Variants in DIAPH2 observed in about 807,000 individuals in gnomAD.
DIAPH2 encodes the protein diaphanous related formin 2.
In DIAPH2, 35 loss-of-function variants were observed where a neutral mutation model predicts 92.7. The ratio of observed to expected loss-of-function variants is 0.38; its 90% CI spans 0.29 to 0.50. The LOEUF (loss-of-function observed/expected upper bound fraction) is 0.50. Ranked by LOEUF, DIAPH2 falls within the 20% of genes least tolerant of loss-of-function variation. The pLI, the probability that DIAPH2 is intolerant of heterozygous loss-of-function variation, is 0.94. For synonymous variants in DIAPH2, 301 were observed against 280.4 expected (o/e 1.07, Z -0.73); for missense variants, 701 against 819.5 (o/e 0.86, Z 1.77).
intron 23 of DIAPH2, among the ~76,000 whole-genome samples, chrX:97,308,659 C>T (rs988106132): frequency 2.3e-5 from 2 of 86,520 alleles, no homozygotes; most frequent in Admixed American, 1.6e-4. Context: ...CTCGCACTGT[C>T]GTCCAGGCTG....
intron 26 of DIAPH2, among the ~76,000 whole-genome samples, chrX:97,585,180 T>G (rs1414214083): frequency 1.8e-5 from 2 of 110,900 alleles, no homozygotes; most frequent in Non-Finnish European, 3.8e-5. Flanking sequence ...CTTTTTACTG[T>G]ACCATAAAGT....
chrX:97,329,850 G>C (rs1466755277), intron 23 of DIAPH2, among the ~76,000 whole-genome samples: 1 of 104,996 alleles, frequency 9.5e-6, no homozygotes, highest in Non-Finnish European at 1.9e-5. Context: ...GTCTATCTGG[G>C]CACATCTATT....
chrX:97,001,766 CTAATG>C (rs920517729), intron 17 of DIAPH2, among the ~76,000 whole-genome samples: 23 of 111,253 alleles, frequency 2.1e-4, no homozygotes, highest in African/African-American at 7.5e-4. Flanking sequence ...ATTTTTAACT[CTAATG>C]GAAGAAGATC....
intron 21 of DIAPH2, among the ~76,000 whole-genome samples, chrX:97,123,758 A>G (rs1202795682): frequency 8.9e-6 from 1 of 112,423 alleles, no homozygotes; most frequent in Non-Finnish European, 1.9e-5. Flanking sequence ...GCCCTCTAAG[A>G]GTTGGAAACA....
At chrX:97,484,714 C>T (rs964601187) in intron 26 of DIAPH2, among the ~76,000 whole-genome samples, 22 of 110,872 alleles carry the variant, frequency 2.0e-4, no homozygotes, top group African/African-American at 5.9e-4. Flanking sequence ...CTGGCTAACA[C>T]GGTGAAACCC....
intron 4 of DIAPH2, among the ~76,000 whole-genome samples, chrX:96,872,407 A>G (rs143247473): frequency 0.011 from 1,217 of 110,434 alleles, 23 homozygotes; most frequent in African/African-American, 0.037. Context: ...CTTCAGTTCT[A>G]TCCACGTTGT....
chrX:97,339,400 G>A (rs972723665), intron 23 of DIAPH2, among the ~76,000 whole-genome samples: 5 of 110,449 alleles, frequency 4.5e-5, no homozygotes, highest in Admixed American at 9.7e-5. Flanking sequence ...CTGTAATCCC[G>A]GCTACATGGG....
intron 4 of DIAPH2, 131 bp from the exon 5 acceptor site, chrX:96,881,448 G>A (rs908001101): frequency 4.0e-6 from 2 of 502,372 alleles, no homozygotes; most frequent in Admixed American, 4.8e-5. Flanking sequence ...TATCAATTCT[G>A]TGATCAAGAA....
chrX:96,808,843 T>C (rs752279118), intron 4 of DIAPH2, among the ~76,000 whole-genome samples: 3 of 111,979 alleles, frequency 2.7e-5, no homozygotes, highest in African/African-American at 9.7e-5. Flanking sequence ...TTTTCTTCTA[T>C]TGATGGTTGT....
At chrX:97,209,394 A>C (rs759126668) in intron 22 of DIAPH2, among the ~76,000 whole-genome samples, 1 of 111,648 alleles carries the variant, frequency 9.0e-6, no homozygotes, top group East Asian at 2.8e-4. Flanking sequence ...AAATTCAATA[A>C]AATATAAAAG....
intron 17 of DIAPH2, among the ~76,000 whole-genome samples, chrX:97,026,460 C>T (rs1177457500): frequency 1.8e-5 from 2 of 112,234 alleles, no homozygotes; most frequent in African/African-American, 3.2e-5. Context: ...TTTTGCAGTA[C>T]ATCTGAGTTA....
At chrX:97,405,823 C>T (rs568270256) in intron 25 of DIAPH2, among the ~76,000 whole-genome samples, 1 of 111,521 alleles carries the variant, frequency 9.0e-6, no homozygotes, top group South Asian at 3.7e-4. Flanking sequence ...ATATAATTCC[C>T]AAACAGAAAG....
intron 21 of DIAPH2, among the ~76,000 whole-genome samples, chrX:97,127,749 A>G (rs1006319186): frequency 8.9e-6 from 1 of 112,790 alleles, no homozygotes; most frequent in African/African-American, 3.2e-5. Context: ...GCTCACGCCA[A>G]TAATCCCAGA....
At chrX:96,893,117 C>T (rs1445231593) in intron 5 of DIAPH2, among the ~76,000 whole-genome samples, 1 of 111,967 alleles carries the variant, frequency 8.9e-6, no homozygotes, top group African/African-American at 3.2e-5. Context: ...AGTTTTAATA[C>T]TTCTCTCATT....
chrX:96,814,155 G>T (rs1298944632), intron 4 of DIAPH2, among the ~76,000 whole-genome samples: 1 of 111,546 alleles, frequency 9.0e-6, no homozygotes, highest in Non-Finnish European at 1.9e-5. Context: ...TCACTTTCAG[G>T]TACCCCAAAC....
intron 23 of DIAPH2, among the ~76,000 whole-genome samples, chrX:97,326,474 G>A (rs1341696322): frequency 4.5e-5 from 5 of 111,891 alleles, no homozygotes; most frequent in Admixed American, 9.6e-5. Context: ...CCACCTGCCC[G>A]GGACTTGGGG....
intron 23 of DIAPH2, among the ~76,000 whole-genome samples, chrX:97,346,698 G>A (rs2069159923): frequency 9.0e-6 from 1 of 111,335 alleles, no homozygotes; most frequent in South Asian, 3.8e-4. Context: ...CAGGCAAAGG[G>A]GGTATGATCT....
intron 26 of DIAPH2, among the ~76,000 whole-genome samples, chrX:97,521,646 T>G (rs1321734341): frequency 1.8e-5 from 2 of 111,139 alleles, no homozygotes; most frequent in African/African-American, 6.6e-5. Context: ...ATCTGATGGT[T>G]TTATAAGAGG....
chrX:97,080,113 TTTTG>T (rs1020266284), intron 19 of DIAPH2, among the ~76,000 whole-genome samples: 8 of 110,058 alleles, frequency 7.3e-5, no homozygotes, highest in Admixed American at 1.9e-4. Flanking sequence ...TTGTATTGTT[TTTTG>T]TTTGTTTGTT....
Sources: gnomAD v4.1 joint callset for allele counts (sites outside exome capture counted in the v4.1 genomes callset) on GRCh38, gnomAD v4.1.1 for gene constraint, MANE v1.5 for transcripts, NCBI Gene and HGNC (gene_info 2026-07-23, HGNC 2026-07-21) for gene names.